MEGF6: variants seen among roughly 807,000 people sequenced by gnomAD.
The protein encoded by MEGF6 is multiple EGF like domains 6, also known as multiple epidermal growth factor-like domains protein 6.
Under a neutral mutation model 207.1 loss-of-function variants are expected in MEGF6, and 184 were observed. The observed-to-expected ratio is 0.89, with a 90% CI of 0.79 to 1.00. The LOEUF (loss-of-function observed/expected upper bound fraction) is 1.00, where lower values mean the gene tolerates loss of function less well. Among genes scored for constraint, MEGF6 ranks in the 50% least tolerant of loss-of-function variants. MEGF6 has a pLI of 0.00. For synonymous variants in MEGF6, 1,038 were observed against 910.0 expected (o/e 1.14, Z -2.53); for missense variants, 2,282 against 2,202.9 (o/e 1.04, Z -0.72).
At chr1:3,602,182 G>A (rs545239085) in intron 2 of MEGF6, among the ~76,000 whole-genome samples, 1 of 152,338 alleles carries the variant, frequency 6.6e-6, no homozygotes, top group East Asian at 1.9e-4. Context: ...CTTCCTGCGT[G>A]GCCAGCATCC....
chr1:3,577,841 A>G (rs893318664), intron 4 of MEGF6, among the ~76,000 whole-genome samples: 5 of 152,264 alleles, frequency 3.3e-5, no homozygotes, highest in African/African-American at 1.2e-4. Context: ...CCCCCCAACA[A>G]TGCCAAACCC....
rs1641863982 is a variant in MEGF6 at position 3,524,012 on chromosome 1, C to G, written c.604+112G>C. The G allele has an allele frequency of 4.7e-6, 6 of 1,263,432 alleles. No individual in the cohort carries two copies. The Admixed American group carries it at 9.7e-5, about 20-fold the overall frequency. 78.3% of individuals were successfully genotyped at this position (1,263,432 alleles called of 1,614,324 possible). ...CAGGAAGGAGCCACTGCCAGAGCGG[C>G]CTCTGCCTCTCCATGTCCACAGCCA... On this transcript the variant is annotated intron_variant, in intron 5 of 36. Coordinates refer to ENST00000356575, the MANE Select transcript of MEGF6 (RefSeq NM_001409.4).
chr1:3,523,867 A>C (rs560928067), intron 5 of MEGF6, among the ~76,000 whole-genome samples: 2 of 152,326 alleles, frequency 1.3e-5, no homozygotes, highest in Non-Finnish European at 2.9e-5. Context: ...AGCGGGGCTT[A>C]GTGTGGCTGC....
In MEGF6 at chr1:3,511,650, G is replaced by C. The variant is rs770024433; in HGVS notation, c.1014C>G (p.Asn338Lys). 24 of 1,612,192 alleles carry C rather than the reference G, an allele frequency of 1.5e-5. No individual in the cohort carries two copies. In the South Asian group the frequency reaches 1.8e-4, roughly 12 times the overall value. ...TGCAGCCATGGGAGCAGCCGCCGTT[G>C]TTGGCCTCACAGCTGTTCACGATTT... ...EMEIVNSCEANNGGCSHGCSH... is the reference protein window; with the variant it reads ...EMEIVNSCEAKNGGCSHGCSH... Residue 338 changes from asparagine (N) to lysine (K), a missense_variant, in exon 9 of 37, where the codon AAC becomes AAG. Coordinates refer to ENST00000356575, the MANE Select transcript of MEGF6 (RefSeq NM_001409.4).
chr1:3,497,003 G>C lies in MEGF6; in HGVS notation c.3598C>G (p.Pro1200Ala). ...TCSCAAGYHGPSCQQRCPPGR... is the reference protein window; with the variant it reads ...TCSCAAGYHGASCQQRCPPGR... ...CAGCACTCACGTTGCTGGCAGCTGG[G>C]GCCGTGGTAGCCAGCAGCACATGAG... The change falls in exon 28 of 37, where the codon CCC becomes GCC. Residue 1200 changes from proline (P) to alanine (A), a missense_variant. Physicochemically the swap from Pro to Ala is conservative, Grantham distance 27 (BLOSUM62 -1). Transcript: ENST00000356575. The C allele has an allele frequency of 6.5e-7, 1 of 1,550,280 alleles. No individual in the cohort carries two copies.
At chr1:3,593,369 T>C (rs1411874646) in intron 3 of MEGF6, among the ~76,000 whole-genome samples, 1 of 152,020 alleles carries the variant, frequency 6.6e-6, no homozygotes, top group African/African-American at 2.4e-5. Context: ...GGGGACGGCA[T>C]CGGGGGAACG....
intron 12 of MEGF6, 35 bp downstream of exon 12, chr1:3,509,040 G>A (rs765604321): frequency 4.7e-5 from 70 of 1,498,436 alleles, no homozygotes; most frequent in South Asian, 2.3e-4. Flanking sequence ...CTGGCCCTGC[G>A]AGCAGGAGCC....
chr1:3,620,577 C>T, the MEGF6 span, among the ~76,000 whole-genome samples: 2 of 152,330 alleles, frequency 1.3e-5, no homozygotes, highest in South Asian at 2.1e-4. Flanking sequence ...CATGGAGAAC[C>T]TCTGCTAGGG....
At chr1:3,622,325 A>AC in the MEGF6 span, among the ~76,000 whole-genome samples, 1 of 151,550 alleles carries the variant, frequency 6.6e-6, no homozygotes, top group African/African-American at 2.4e-5. Context: ...ACATCCCACT[A>AC]CCCCCGCCGC....
Position 3,574,866 on chromosome 1 carries a change from C to T in MEGF6, c.481+4959G>A, listed in dbSNP as rs182760944. On this transcript the variant is annotated intron_variant, in intron 4 of 36. Transcript: ENST00000356575. Reference sequence around the variant, plus strand: ...CCATGTTGCTCAGGCTGGTCTCGAACTCCTGAGCTCAAGTGATACACGTGC... The same window carrying T: ...CCATGTTGCTCAGGCTGGTCTCGAATTCCTGAGCTCAAGTGATACACGTGC... 5.3e-3 allele frequency among the ~76,000 whole-genome samples: 803 copies of T among 152,294 alleles called. 13 individuals carry two copies. Among genetic ancestry groups the T allele is most frequent in the African/African-American group, 0.018 (743 of 41,558 alleles).
intron 4 of MEGF6, among the ~76,000 whole-genome samples, chr1:3,538,785 C>T (rs1185099716): frequency 3.3e-5 from 5 of 151,906 alleles, no homozygotes; most frequent in Middle Eastern, 3.4e-3. Context: ...GGCTCTTTCC[C>T]ACCCAGCTGT....
At position 3,593,802 on chromosome 1, in the gene MEGF6, ACCCCCTCCGAGGGGCGGCTGGCCAGCAC is replaced by A. The variant is rs745426436; in HGVS notation, c.376+1508_376+1535del. On this transcript the variant is annotated intron_variant, in intron 3 of 36. Coordinates refer to ENST00000356575, the MANE Select transcript of MEGF6 (RefSeq NM_001409.4). The stretch of plus-strand genomic sequence containing the variant: ...GCCATCAGCAACAGTGGGGGCTGGG[ACCCCCTCCGAGGGGCGGCTGGCCAGCAC>A]CCCCCTCCCTGCTGCCAGCAGTGGC... Among the ~76,000 whole-genome samples, 271 of 151,146 alleles carry A rather than the reference ACCCCCTCCGAGGGGCGGCTGGCCAGCAC, an allele frequency of 1.8e-3. 1 individual carries two copies. Among genetic ancestry groups the A allele is most frequent in the Non-Finnish European group, 2.7e-3 (183 of 67,762 alleles).
chr1:3,492,557 G>A, intron 35 of MEGF6, 82 bp downstream of exon 35: 2 of 1,572,858 alleles, frequency 1.3e-6, no homozygotes, highest in Admixed American at 3.4e-5. Flanking sequence ...CAGTGGGTGA[G>A]AGAGGGATCC....
chr1:3,569,934 G>A (rs745801233), intron 4 of MEGF6, among the ~76,000 whole-genome samples: 3 of 152,258 alleles, frequency 2.0e-5, no homozygotes, highest in Non-Finnish European at 4.4e-5. Context: ...GCCAAGGCCA[G>A]GGAGGATAGC....
intron 34 of MEGF6, chr1:3,493,395 G>T: frequency 3.3e-6 from 1 of 305,412 alleles, no homozygotes; most frequent in Non-Finnish European, 6.2e-6. Flanking sequence ...CCTCAGGTGA[G>T]ACCCTCCTAT....
intron 2 of MEGF6, among the ~76,000 whole-genome samples, chr1:3,601,809 C>T (rs550171045): frequency 5.9e-5 from 9 of 152,388 alleles, no homozygotes; most frequent in Middle Eastern, 3.4e-3. Flanking sequence ...AGGTGTCCCG[C>T]GTGGACCCCA....
intron 1 of MEGF6, among the ~76,000 whole-genome samples, chr1:3,605,479 TAC>T (rs1357355508): frequency 2.0e-5 from 3 of 149,874 alleles, no homozygotes; most frequent in South Asian, 2.1e-4. Context: ...TACACACATA[TAC>T]ACAATTACAC....
Position 3,509,095 on chromosome 1 carries a change from T to C in MEGF6, c.1508A>G (p.His503Arg). 6.3e-7 allele frequency: 1 copy of C among 1,597,666 alleles called. No homozygotes were observed. Residue 503 changes from histidine (H) to arginine (R), a missense_variant, in exon 12 of 37, where the codon CAC becomes CGC. His to Arg is a conservative substitution (Grantham distance 29). Transcript: ENST00000356575. The part of the protein sequence containing the change: ...DEEEAELRGE[H>R]TLTEKFVCLD... Reference sequence around the variant, plus strand: ...CTCACCAAACTTCTCTGTGAGCGTGTGTTCGCCCCGCAACTCTGCCTCTTC... The same window carrying C: ...CTCACCAAACTTCTCTGTGAGCGTGCGTTCGCCCCGCAACTCTGCCTCTTC...
chr1:3,495,711 C>CAGCG (rs1640569627), intron 30 of MEGF6, among the ~76,000 whole-genome samples, 179 bp downstream of exon 30: 1 of 152,316 alleles, frequency 6.6e-6, no homozygotes, highest in African/African-American at 2.4e-5. Flanking sequence ...CCAAGCAGGG[C>CAGCG]AGCGTAGTCA....
Sources: gnomAD v4.1 joint callset for allele counts (sites outside exome capture counted in the v4.1 genomes callset) on GRCh38, gnomAD v4.1.1 for gene constraint, MANE v1.5 for transcripts, NCBI Gene and HGNC (gene_info 2026-07-23, HGNC 2026-07-21) for gene names.